GNPTAB: variants seen among roughly 807,000 people sequenced by gnomAD.
GNPTAB encodes the protein N-acetylglucosamine-1-phosphotransferase subunits alpha/beta.
GNPTAB carries 92 observed loss-of-function variants against 136.6 expected under a neutral mutation model. The observed-to-expected ratio is 0.67, with a 90% confidence interval of 0.57 to 0.80. GNPTAB has a LOEUF of 0.80. Ranked by LOEUF, GNPTAB falls within the 30% of genes least tolerant of loss-of-function variation. GNPTAB has a pLI of 0.00. For missense variants in GNPTAB, 1,343 were observed against 1,501.8 expected (o/e 0.89, Z 1.75); for synonymous variants, 512 against 535.1 (o/e 0.96, Z 0.60).
At chr12:101,780,656 T>A in intron 5 of GNPTAB, 35 bp from the exon 6 acceptor site, 1 of 1,295,482 alleles carries the variant, frequency 7.7e-7, no homozygotes, top group Non-Finnish European at 1.1e-6. Flanking sequence ...AGCACATTTT[T>A]AATGAATACT....
chr12:101,810,617 A>G (rs1016955270), intron 1 of GNPTAB: 1 of 151,932 alleles, frequency 6.6e-6, no homozygotes, highest in African/African-American at 2.4e-5. Context: ...GGCCGAAAAT[A>G]CAGTGGTGAA....
At chr12:101,827,888 A>C (rs1871178449) in intron 1 of GNPTAB, among the ~76,000 whole-genome samples, 1 of 152,056 alleles carries the variant, frequency 6.6e-6, no homozygotes, top group Non-Finnish European at 1.5e-5. Flanking sequence ...AATTACTTGA[A>C]CCTGGAAGGT....
At chr12:101,813,304 G>T in intron 1 of GNPTAB, among the ~76,000 whole-genome samples, 1 of 152,174 alleles carries the variant, frequency 6.6e-6, no homozygotes, top group Middle Eastern at 3.2e-3. Flanking sequence ...GGAGTTTGCT[G>T]CTCCATTTTA....
At chr12:101,805,917 T>C (rs1477324701) in intron 1 of GNPTAB, among the ~76,000 whole-genome samples, 1 of 152,156 alleles carries the variant, frequency 6.6e-6, no homozygotes, top group East Asian at 1.9e-4. Context: ...ATATCTAATG[T>C]TTAGATCATT....
At chr12:101,779,066 G>C (rs573326646) in intron 7 of GNPTAB, 1 of 148,356 alleles carries the variant, frequency 6.7e-6, no homozygotes, top group South Asian at 2.6e-4. Flanking sequence ...TGGTTGGGGG[G>C]TGCATATAAA....
rs777256692 is a variant in GNPTAB, at chr12:101,753,434, G to C, written c.3540C>G (p.Ser1180=). ...GATACTCTCTTGGCAGTTCAAATTG[G>C]GAAGGTATGGGGAACATGGATTCAT... The part of the protein sequence containing the change: ...DFYESMFPIP[S]QFELPREYRN... The change falls in exon 19 of 21, where the codon TCC becomes TCG. Residue 1180 remains serine (S), a synonymous_variant. Transcript: ENST00000299314. 5 of 1,613,802 alleles carry C rather than the reference G, an allele frequency of 3.1e-6. No individual in the cohort carries two copies. The highest frequency in any genetic ancestry group is 1.6e-4 in the Middle Eastern group (1 of 6,062).
chr12:101,767,625 CTGATT>C (rs1380973372), intron 11 of GNPTAB, among the ~76,000 whole-genome samples: 1 of 152,150 alleles, frequency 6.6e-6, no homozygotes, highest in African/African-American at 2.4e-5. Flanking sequence ...CCATTGATTA[CTGATT>C]TGTTTGTTTT....
At chr12:101,762,973 C>G (rs916329779) in intron 13 of GNPTAB, among the ~76,000 whole-genome samples, 2 of 150,186 alleles carry the variant, frequency 1.3e-5, no homozygotes, top group African/African-American at 4.9e-5. Flanking sequence ...GTAATCCCAG[C>G]ACTTTGGGAG....
chr12:101,795,640 C>G (rs1869235500), intron 2 of GNPTAB, among the ~76,000 whole-genome samples: 1 of 151,890 alleles, frequency 6.6e-6, no homozygotes, highest in Non-Finnish European at 1.5e-5. Flanking sequence ...GTAATCCCAG[C>G]TACTTGGGAG....
At chr12:101,813,600 A>ATAGAGATACAATATAT (rs1464549661) in intron 1 of GNPTAB, among the ~76,000 whole-genome samples, 2 of 152,212 alleles carry the variant, frequency 1.3e-5, no homozygotes, top group African/African-American at 4.8e-5. Context: ...TATTTGCGTG[A>ATAGAGATACAATATAT]TAGAGATACA....
At chr12:101,820,208 C>G (rs966770124) in intron 1 of GNPTAB, among the ~76,000 whole-genome samples, 5 of 152,206 alleles carry the variant, frequency 3.3e-5, no homozygotes, top group African/African-American at 1.2e-4. Context: ...AATTTTGATG[C>G]TTATAAGTAT....
At chr12:101,753,047 G>A (rs1952843161) in intron 19 of GNPTAB, among the ~76,000 whole-genome samples, 1 of 152,116 alleles carries the variant, frequency 6.6e-6, no homozygotes, top group Admixed American at 6.5e-5. Flanking sequence ...GAGGTCAGGA[G>A]TTCTAGACCA....
At chr12:101,770,849 AACC>A in intron 8 of GNPTAB, 144 bp downstream of exon 8, 1 of 836,964 alleles carries the variant, frequency 1.2e-6, no homozygotes, top group Non-Finnish European at 2.0e-6. Context: ...GTTAATACCA[AACC>A]AATGGCAGTG....
intron 10 of GNPTAB, among the ~76,000 whole-genome samples, chr12:101,769,211 C>G (rs767594847): frequency 3.9e-5 from 6 of 152,172 alleles, no homozygotes; most frequent in Non-Finnish European, 8.8e-5. Context: ...CCAGAAAACA[C>G]AGAGGTAGAG....
In GNPTAB at chr12:101,766,270, A is replaced by G. The variant is rs149718548; in HGVS notation, c.1433T>C (p.Ile478Thr). 5.5e-4 allele frequency: 885 copies of G among 1,613,900 alleles called. 7 individuals are homozygous for G. Among genetic ancestry groups the G allele is most frequent in the Middle Eastern group, 3.0e-3 (18 of 6,062 alleles). The change falls in exon 12 of 21, where the codon ATT (isoleucine) becomes ACT (threonine). Residue 478 changes from isoleucine to threonine, a missense_variant. Transcript: ENST00000299314. ...ACTCCCAGTACCTCCACCTCCTGCA[A>G]TATAGCGACTCCCTCCACTGTTTCC... ...CSGNSGGSRY[I>T]AGGGGTGSIG... is the part of the protein sequence containing the mutation.
rs1188582277 is a variant in GNPTAB at position 101,824,432 on chromosome 12, A to ATATATT, written c.117+6126_117+6127insAATATA. Among the ~76,000 whole-genome samples, 156 of 50,868 alleles carry ATATATT rather than the reference A, an allele frequency of 3.1e-3. 2 individuals are homozygous for ATATATT. The highest frequency in any genetic ancestry group is 0.013 in the African/African-American group (152 of 11,784). 33.4% of individuals were successfully genotyped at this position (50,868 alleles called of 152,430 possible). A position where few individuals can be genotyped will look rare whatever the true frequency, so the allele number is the denominator to read the frequency against. ...TATATATATATATATATATATATAT[A>ATATATT]TTTTCTTTTTTTTTTTTTTTTTTTT... On this transcript the variant is annotated intron_variant, in intron 1 of 20. Transcript: ENST00000299314.
rs1403747870 is a variant in GNPTAB, at chr12:101,764,870, C to A, written c.2047G>T (p.Val683Phe). The change falls in exon 13 of 21, where the codon GTT becomes TTT. Residue 683 changes from valine (V) to phenylalanine (F), a missense_variant. Val to Phe is a conservative substitution (Grantham distance 50). Coordinates refer to ENST00000299314, the MANE Select transcript of GNPTAB (RefSeq NM_024312.5). ...TCCTGGGCTCTCCTTGTTGAGTTAACATCATGTCTCTTAAACTTCGGGAAG... is the reference window on the plus strand; with the variant it reads ...TCCTGGGCTCTCCTTGTTGAGTTAAAATCATGTCTCTTAAACTTCGGGAAG... Reference protein sequence around the residue: ...KRFPKFKRHDVNSTRRAQEEV... With the variant: ...KRFPKFKRHDFNSTRRAQEEV... 1 of 1,614,194 alleles carries A rather than the reference C, an allele frequency of 6.2e-7. No individual in the cohort carries two copies. The highest frequency in any genetic ancestry group is 8.5e-7 in the Non-Finnish European group (1 of 1,180,032).
chr12:101,823,856 T>C (rs1870939087), intron 1 of GNPTAB, among the ~76,000 whole-genome samples: 1 of 152,190 alleles, frequency 6.6e-6, no homozygotes, highest in South Asian at 2.1e-4. Flanking sequence ...ATAGATTAAT[T>C]AACCAGATAT....
chr12:101,812,515 G>T (rs774419355), intron 1 of GNPTAB, among the ~76,000 whole-genome samples: 1 of 152,132 alleles, frequency 6.6e-6, no homozygotes, highest in Admixed American at 6.5e-5. Flanking sequence ...CAGCACTTTC[G>T]GAAGCTGAGG....
Sources: gnomAD v4.1 joint callset for allele counts (sites outside exome capture counted in the v4.1 genomes callset) on GRCh38, gnomAD v4.1.1 for gene constraint, MANE v1.5 for transcripts, NCBI Gene and HGNC (gene_info 2026-07-23, HGNC 2026-07-21) for gene names.